PTPRG: variants seen among roughly 807,000 people sequenced by gnomAD.
PTPRG encodes receptor-type tyrosine-protein phosphatase gamma.
PTPRG carries 102 observed loss-of-function variants against 165.3 expected under a neutral mutation model. The observed-to-expected ratio is 0.62, with a 90% CI of 0.53 to 0.73. The LOEUF is 0.73. Among genes scored for constraint, PTPRG ranks in the 30% least tolerant of loss-of-function variants. The pLI is 0.00. For missense variants in PTPRG, 1,866 were observed against 1,861.4 expected (o/e 1.00, Z -0.05); for synonymous variants, 675 against 669.5 (o/e 1.01, Z -0.13).
intron 8 of PTPRG, among the ~76,000 whole-genome samples, chr3:62,168,970 G>A (rs1025041697): frequency 1.3e-5 from 2 of 152,070 alleles, no homozygotes; most frequent in African/African-American, 2.4e-5. Context: ...TCGGCCATTC[G>A]GTGGGCAGTC....
chr3:61,694,681 A>C (rs1233706122), intron 1 of PTPRG, among the ~76,000 whole-genome samples: 1 of 152,226 alleles, frequency 6.6e-6, no homozygotes, highest in African/African-American at 2.4e-5. Flanking sequence ...AGGGAATTTC[A>C]AATTGTGATA....
chr3:61,603,148 A>C (rs1033815801), intron 1 of PTPRG, among the ~76,000 whole-genome samples: 100 of 152,272 alleles, frequency 6.6e-4, no homozygotes, highest in Admixed American at 6.3e-3. Flanking sequence ...CTGGATGGTA[A>C]GTGTTTACCA....
intron 5 of PTPRG, among the ~76,000 whole-genome samples, chr3:62,098,423 C>T (rs942263147): frequency 6.6e-5 from 10 of 152,080 alleles, no homozygotes; most frequent in African/African-American, 2.4e-4. Flanking sequence ...ATATAAGGGA[C>T]TTATGCATCT....
At chr3:61,680,510 AAAAAAAAACAC>A (rs1316985319) in intron 1 of PTPRG, among the ~76,000 whole-genome samples, 1 of 146,900 alleles carries the variant, frequency 6.8e-6, no homozygotes, top group Non-Finnish European at 1.5e-5. Flanking sequence ...TGAAAAAAAA[AAAAAAAAACAC>A]AAAAAAACAG....
At position 62,295,552 on chromosome 3, in the gene PTPRG, A is replaced by G. The variant is rs1257407837; in HGVS notation, c.*2245A>G. On this transcript the variant is annotated 3_prime_UTR_variant, in exon 30 of 30. Coordinates refer to ENST00000474889, the MANE Select transcript of PTPRG (RefSeq NM_002841.4). ...AATTCGTAGAAAGGCATACCCTCCA[A>G]TGCAATTCTGTGGCTGTCCCTTACA... is the stretch of plus-strand genomic sequence containing the variant. 2 of 152,112 alleles carry G rather than the reference A, an allele frequency of 1.3e-5. No homozygotes were observed. The highest frequency in any genetic ancestry group is 6.6e-5 in the Admixed American group (1 of 15,244). 9.4% of individuals were successfully genotyped at this position (152,112 alleles called of 1,614,324 possible).
At chr3:61,583,556 T>C (rs1575517940) in intron 1 of PTPRG, among the ~76,000 whole-genome samples, 1 of 152,194 alleles carries the variant, frequency 6.6e-6, no homozygotes, top group Non-Finnish European at 1.5e-5. Flanking sequence ...TCTTTTAACA[T>C]TCTTTGCTAA....
At chr3:61,580,052 A>T (rs1700252226) in intron 1 of PTPRG, among the ~76,000 whole-genome samples, 1 of 152,344 alleles carries the variant, frequency 6.6e-6, no homozygotes, top group African/African-American at 2.4e-5. Flanking sequence ...CATAAGATGC[A>T]TGTAGATACT....
chr3:61,983,695 G>A (rs1406955369), intron 2 of PTPRG, among the ~76,000 whole-genome samples: 1 of 152,092 alleles, frequency 6.6e-6, no homozygotes, highest in African/African-American at 2.4e-5. Context: ...CTTGCTTTTA[G>A]ACAAAAGTAT....
intron 2 of PTPRG, among the ~76,000 whole-genome samples, chr3:61,778,538 T>C (rs1468478297): frequency 6.6e-6 from 1 of 152,174 alleles, no homozygotes; most frequent in African/African-American, 2.4e-5. Context: ...TTGGGGTTTT[T>C]CTTTTGATTT....
At chr3:62,292,045 A>C (rs545039218) in intron 28 of PTPRG, among the ~76,000 whole-genome samples, 40 of 152,278 alleles carry the variant, frequency 2.6e-4, no homozygotes, top group East Asian at 9.7e-4. Flanking sequence ...AGAGCCCTTC[A>C]TCACTGGCTG....
At chr3:61,876,056 G>C (rs1174920090) in intron 2 of PTPRG, among the ~76,000 whole-genome samples, 1 of 152,182 alleles carries the variant, frequency 6.6e-6, no homozygotes, top group African/African-American at 2.4e-5. Context: ...TTGAGCATTT[G>C]GTAGCCCAAT....
chr3:61,608,773 T>C (rs1701083851), intron 1 of PTPRG, among the ~76,000 whole-genome samples: 1 of 152,126 alleles, frequency 6.6e-6, no homozygotes, highest in Admixed American at 6.5e-5. Flanking sequence ...TCATGAACTA[T>C]TGGTGATAAA....
At position 62,293,999 on chromosome 3, in the gene PTPRG, A is replaced by C. The variant is rs1052842341; in HGVS notation, c.*692A>C. ...TAAAAATGTGTCAAAATAAAGGATA[A>C]CTCTGTATTACAGCTTTCACAGTAG... On this transcript the variant is annotated 3_prime_UTR_variant, in exon 30 of 30. Transcript: ENST00000474889. 6.6e-6 allele frequency: 1 copy of C among 152,482 alleles called. No individual in the cohort carries two copies. Among genetic ancestry groups the C allele is most frequent in the Non-Finnish European group, 1.5e-5 (1 of 67,992 alleles). The allele number at this position is 152,482 out of a possible 1,614,324, so 9.4% of individuals were successfully genotyped here. A position where few individuals can be genotyped will look rare whatever the true frequency, so the allele number is the denominator to read the frequency against.
At chr3:61,843,866 C>A (rs141441472) in intron 2 of PTPRG, among the ~76,000 whole-genome samples, 165 of 151,060 alleles carry the variant, frequency 1.1e-3, no homozygotes, top group African/African-American at 3.7e-3. Context: ...GTCACCAATT[C>A]CATGCACTTA....
Position 62,237,177 on chromosome 3 carries a change from T to C in PTPRG, c.2375+5866T>C, listed in dbSNP as rs1256660845. 2.0e-5 allele frequency among the ~76,000 whole-genome samples: 3 copies of C among 152,166 alleles called. No individual in the cohort carries two copies. The highest frequency in any genetic ancestry group is 4.4e-5 in the Non-Finnish European group (3 of 68,026). ...TCATATCAGAGGTTATCTAAACAGG[T>C]TCCCGGAAAAACAGAAGCCACAGAA... On this transcript the variant is annotated intron_variant, in intron 14 of 29. Transcript: ENST00000474889. This position sits in a 1 kb window ranked among gnomAD's most constrained non-coding sequence, Gnocchi z 4.5.
intron 2 of PTPRG, among the ~76,000 whole-genome samples, chr3:61,855,967 A>G (rs1209673470): frequency 6.6e-6 from 1 of 152,006 alleles, no homozygotes; most frequent in Non-Finnish European, 1.5e-5. Context: ...TGGCCACATA[A>G]CTTAAATTTT....
intron 1 of PTPRG, among the ~76,000 whole-genome samples, chr3:61,626,203 T>C (rs72874738): frequency 0.03 from 4,526 of 152,300 alleles, 225 homozygotes; most frequent in African/African-American, 0.1. Flanking sequence ...AGCTTTTTCC[T>C]GATAAAGCTT....
At position 62,195,039 on chromosome 3, in the gene PTPRG, G is replaced by A. The variant is rs1184374162; in HGVS notation, c.1219-23G>A. Reference sequence around the variant, plus strand: ...CCTTGGCCTTCAAAACTAACTCACTGCTTTTTCCTTCTTTACTTACAGAAA... The same window carrying A: ...CCTTGGCCTTCAAAACTAACTCACTACTTTTTCCTTCTTTACTTACAGAAA... On this transcript the variant is annotated intron_variant, in intron 9 of 29. Coordinates refer to ENST00000474889, the MANE Select transcript of PTPRG (RefSeq NM_002841.4). This position sits in a 1 kb window ranked among gnomAD's most constrained non-coding sequence, Gnocchi z 4.4. 3.1e-6 allele frequency: 5 copies of A among 1,609,938 alleles called. No individual in the cohort carries two copies. In the East Asian group the frequency reaches 8.9e-5, roughly 29 times the overall value.
intron 4 of PTPRG, among the ~76,000 whole-genome samples, chr3:62,060,947 G>A (rs1429773577): frequency 5.9e-5 from 9 of 152,038 alleles, no homozygotes; most frequent in African/African-American, 2.2e-4. Flanking sequence ...TTTAATACCT[G>A]CATAATATTT....
Sources: gnomAD v4.1 joint callset for allele counts (sites outside exome capture counted in the v4.1 genomes callset) on GRCh38, gnomAD v4.1.1 for gene constraint, Gnocchi (gnomAD v3.1) non-coding constraint, MANE v1.5 for transcripts, NCBI Gene and HGNC (gene_info 2026-07-23, HGNC 2026-07-21) for gene names.